DPP6: variants seen among roughly 807,000 people sequenced by gnomAD.
The protein encoded by DPP6 is A-type potassium channel modulatory protein DPP6.
A neutral mutation model predicts 122.6 loss-of-function variants in DPP6; 69 were observed. The ratio of observed to expected loss-of-function variants is 0.56; its 90% confidence interval spans 0.46 to 0.69. DPP6 has a LOEUF of 0.69. Among genes scored for constraint, DPP6 ranks in the 30% least tolerant of loss-of-function variants. The pLI, the probability that DPP6 is intolerant of heterozygous loss-of-function variation, is 0.00. For synonymous variants in DPP6, 418 were observed against 433.1 expected, an observed-to-expected ratio of 0.97 and a Z score of 0.43; for missense variants, 928 against 1,116.9, an observed-to-expected ratio of 0.83 and a Z score of 2.41.
At chr7:154,831,779 T>A (rs560489238) in intron 16 of DPP6, among the ~76,000 whole-genome samples, 1 of 152,286 alleles carries the variant, frequency 6.6e-6, no homozygotes, top group South Asian at 2.1e-4. Flanking sequence ...TTCATGTAAC[T>A]GAGGAATCAA....
At chr7:154,093,246 C>T (rs1276146948) in intron 1 of DPP6, among the ~76,000 whole-genome samples, 1 of 148,710 alleles carries the variant, frequency 6.7e-6, no homozygotes, top group Non-Finnish European at 1.5e-5. Flanking sequence ...CAGCACATAA[C>T]ACACCACATG....
chr7:154,884,319 C>G (rs1355269919), intron 21 of DPP6: 2 of 149,600 alleles, frequency 1.3e-5, no homozygotes, highest in Non-Finnish European at 3.0e-5. Context: ...CTCACACACA[C>G]ATGCTCACAC....
Position 153,941,471 on chromosome 7 carries a change from C to A in DPP6, c.51+53737C>A, listed in dbSNP as rs141077490. ...GTGGTTAACAATTCATCCCAGTAGT[C>A]CAGGCCTGGATCCCACAGCCATGGA... On this transcript the variant is annotated intron_variant, in intron 1 of 25. Transcript: ENST00000404039. Among the ~76,000 whole-genome samples, 181 of 152,262 alleles carry A rather than the reference C, an allele frequency of 1.2e-3. 2 individuals are homozygous for A. In the East Asian group the frequency reaches 0.024, roughly 20 times the overall value.
At chr7:154,316,844 G>A (rs1807472714) in intron 1 of DPP6, among the ~76,000 whole-genome samples, 1 of 152,136 alleles carries the variant, frequency 6.6e-6, no homozygotes, top group Admixed American at 6.5e-5. Flanking sequence ...GGGGATTGTG[G>A]TACGGGAGAA....
intron 4 of DPP6, among the ~76,000 whole-genome samples, chr7:154,541,898 G>GGTGTC (rs999039623): frequency 2.4e-4 from 36 of 152,256 alleles, no homozygotes; most frequent in African/African-American, 8.4e-4. Context: ...GCATTCAGGT[G>GGTGTC]GTGTCCCAGA....
intron 1 of DPP6, among the ~76,000 whole-genome samples, chr7:153,989,667 G>A (rs1338329397): frequency 6.6e-6 from 1 of 151,996 alleles, no homozygotes; most frequent in African/African-American, 2.4e-5. Context: ...GCCCCAGAAT[G>A]AGCTTGAGAG....
chr7:154,629,502 T>C (rs1010113996), intron 5 of DPP6, among the ~76,000 whole-genome samples: 1 of 152,168 alleles, frequency 6.6e-6, no homozygotes, highest in Non-Finnish European at 1.5e-5. Flanking sequence ...CAGCCTTGCT[T>C]CTCATTATGT....
chr7:154,136,552 GAC>G (rs1263276239), intron 1 of DPP6, among the ~76,000 whole-genome samples: 2 of 152,118 alleles, frequency 1.3e-5, no homozygotes, highest in African/African-American at 4.8e-5. Context: ...TACATTTTCA[GAC>G]ACACATCACT....
intron 7 of DPP6, among the ~76,000 whole-genome samples, chr7:154,726,284 G>T (rs575426527): frequency 1.3e-5 from 2 of 152,322 alleles, no homozygotes; most frequent in East Asian, 3.9e-4. Flanking sequence ...TGCCCCAGTA[G>T]AGGATCTCCA....
chr7:154,663,105 G>A lies in DPP6; in HGVS notation c.681-6255G>A, dbSNP rs1357315278. Reference sequence around the variant, plus strand: ...TTGGCCATAGCGTTCATATAGTCATGGTGAATCACCATGGCATATTGGCCG... The same window carrying A: ...TTGGCCATAGCGTTCATATAGTCATAGTGAATCACCATGGCATATTGGCCG... On this transcript the variant is annotated intron_variant, in intron 6 of 25. Coordinates refer to ENST00000377770, the MANE Select transcript of DPP6 (RefSeq NM_130797.4). Among the ~76,000 whole-genome samples, 3 of 68,540 alleles carry A rather than the reference G, an allele frequency of 4.4e-5. 1 individual carries two copies. In the East Asian group the frequency reaches 1.7e-3, roughly 38 times the overall value. 45.0% of individuals were successfully genotyped at this position (68,540 alleles called of 152,430 possible). A position where few individuals can be genotyped will look rare whatever the true frequency, so the allele number is the denominator to read the frequency against.
intron 1 of DPP6, among the ~76,000 whole-genome samples, chr7:154,427,653 A>T (rs1818022918): frequency 6.6e-6 from 1 of 152,200 alleles, no homozygotes; most frequent in South Asian, 2.1e-4. Flanking sequence ...AGCCCTCATG[A>T]ATATCAATTC....
intron 5 of DPP6, among the ~76,000 whole-genome samples, chr7:154,593,018 G>C (rs558331119): frequency 4.3e-4 from 65 of 152,286 alleles, no homozygotes; most frequent in African/African-American, 1.5e-3. Context: ...AGCTGTCATG[G>C]GACAAGCAGG....
At chr7:154,143,658 A>G (rs1283257065) in intron 1 of DPP6, among the ~76,000 whole-genome samples, 1 of 152,098 alleles carries the variant, frequency 6.6e-6, no homozygotes, top group African/African-American at 2.4e-5. Flanking sequence ...TATGCATACA[A>G]ATACTTTTCT....
At chr7:154,562,423 A>G (rs1483210347) in intron 4 of DPP6, among the ~76,000 whole-genome samples, 1 of 152,186 alleles carries the variant, frequency 6.6e-6, no homozygotes, top group Non-Finnish European at 1.5e-5. Context: ...ACTCTGAGCA[A>G]ACTAGAAATA....
rs772077891 is a variant in DPP6 at position 154,863,364 on chromosome 7, T to TG, written c.1715-4626dup. ...ATAGGATTTTTTTTTTTTTTTGAGA[T>TG]GGGGGTCTTGCTCTGTCACCTAGGC... On this transcript the variant is annotated intron_variant, in intron 17 of 25. Transcript: ENST00000377770. The surrounding 1 kb of genome is among the most constrained non-coding windows in gnomAD (Gnocchi z 4.1). Among the ~76,000 whole-genome samples, 256 of 146,746 alleles carry TG rather than the reference T, an allele frequency of 1.7e-3. No individual in the cohort carries two copies. In the East Asian group the frequency reaches 0.019, roughly 11 times the overall value.
chr7:154,414,840 T>C (rs922070224), intron 1 of DPP6, among the ~76,000 whole-genome samples: 2 of 152,196 alleles, frequency 1.3e-5, no homozygotes, highest in African/African-American at 4.8e-5. Flanking sequence ...GCCTGGTGTC[T>C]TCCATAGAGA....
intron 1 of DPP6, among the ~76,000 whole-genome samples, chr7:154,013,026 A>G (rs970859061): frequency 5.9e-5 from 9 of 152,132 alleles, no homozygotes; most frequent in African/African-American, 1.7e-4. Flanking sequence ...CCTCTTTCAC[A>G]GGCTCACTCG....
intron 1 of DPP6, chr7:154,058,417 G>A (rs552636515): frequency 1.5e-5 from 2 of 129,376 alleles, no homozygotes; most frequent in South Asian, 2.7e-4. Flanking sequence ...GCAACCCCGC[G>A]AGGGTGGGGA....
the DPP6 span, among the ~76,000 whole-genome samples, chr7:153,808,572 G>T: frequency 6.6e-6 from 1 of 152,122 alleles, no homozygotes; most frequent in African/African-American, 2.4e-5. Flanking sequence ...TGTAACCTTT[G>T]ACCAAGATCA....
Sources: gnomAD v4.1 joint callset for allele counts (sites outside exome capture counted in the v4.1 genomes callset) on GRCh38, gnomAD v4.1.1 for gene constraint, Gnocchi (gnomAD v3.1) non-coding constraint, MANE v1.5 for transcripts, NCBI Gene and HGNC (gene_info 2026-07-23, HGNC 2026-07-21) for gene names.